Variants in GRM3 observed in about 807,000 individuals in gnomAD.
GRM3 encodes metabotropic glutamate receptor 3.
GRM3 carries 26 observed loss-of-function variants against 70.5 expected under a neutral mutation model. The observed-to-expected ratio is 0.37, with a 90% confidence interval of 0.27 to 0.51. GRM3 has a LOEUF of 0.51. Ranked by LOEUF, GRM3 falls within the 20% of genes least tolerant of loss-of-function variation. The pLI, the probability that GRM3 is intolerant of heterozygous loss-of-function variation, is 0.93. For missense variants in GRM3, 859 were observed against 1,123.8 expected (o/e 0.76, Z 3.37); for synonymous variants, 443 against 434.9 (o/e 1.02, Z -0.23).
intron 2 of GRM3, among the ~76,000 whole-genome samples, chr7:86,774,364 C>T (rs2116464068): frequency 6.6e-6 from 1 of 152,168 alleles, no homozygotes; most frequent in South Asian, 2.1e-4. Flanking sequence ...TCCAAAAACA[C>T]CTGCAGTTAA....
intron 3 of GRM3, among the ~76,000 whole-genome samples, chr7:86,835,064 T>A (rs1218296018): frequency 6.6e-6 from 1 of 152,074 alleles, no homozygotes; most frequent in Non-Finnish European, 1.5e-5. Flanking sequence ...AAATTTAGTA[T>A]AATACTGTGG....
chr7:86,821,301 C>G (rs1407767300), intron 3 of GRM3, among the ~76,000 whole-genome samples: 2 of 151,990 alleles, frequency 1.3e-5, no homozygotes, highest in Non-Finnish European at 2.9e-5. Context: ...GTGAACAGAC[C>G]TACACCATTA....
At chr7:86,751,075 C>A (rs1216090443) in intron 1 of GRM3, among the ~76,000 whole-genome samples, 1 of 152,178 alleles carries the variant, frequency 6.6e-6, no homozygotes, top group East Asian at 1.9e-4. Context: ...TCTCTGCTGT[C>A]ATCAATTTCC....
intron 1 of GRM3, among the ~76,000 whole-genome samples, chr7:86,670,471 C>A (rs541948463): frequency 2.6e-5 from 4 of 152,138 alleles, no homozygotes; most frequent in South Asian, 2.1e-4. Flanking sequence ...AGGAACATGA[C>A]CTTGGAAAGC....
chr7:86,802,866 T>A (rs886790921), intron 3 of GRM3, among the ~76,000 whole-genome samples: 1 of 152,216 alleles, frequency 6.6e-6, no homozygotes, highest in Admixed American at 6.5e-5. Context: ...GTGGTAGTAG[T>A]AGTTGTTTTA....
chr7:86,667,769 G>A (rs1200292360), intron 1 of GRM3, among the ~76,000 whole-genome samples: 4 of 152,056 alleles, frequency 2.6e-5, no homozygotes, highest in Non-Finnish European at 5.9e-5. Flanking sequence ...CCCTTCTAAC[G>A]GTGTACTCTT....
At chr7:86,669,992 T>A (rs1794130611) in intron 1 of GRM3, among the ~76,000 whole-genome samples, 1 of 152,152 alleles carries the variant, frequency 6.6e-6, no homozygotes, top group Admixed American at 6.6e-5. Context: ...TCTCCTCAGT[T>A]CTCAGACACT....
intron 1 of GRM3, among the ~76,000 whole-genome samples, chr7:86,756,535 C>T (rs1037814114): frequency 6.6e-6 from 1 of 152,130 alleles, no homozygotes; most frequent in Non-Finnish European, 1.5e-5. Context: ...TTCAAAGGTG[C>T]CATTTCATTA....
At chr7:86,792,530 G>C (rs1797444398) in intron 3 of GRM3, among the ~76,000 whole-genome samples, 1 of 152,116 alleles carries the variant, frequency 6.6e-6, no homozygotes, top group African/African-American at 2.4e-5. Flanking sequence ...GAGAAATTGA[G>C]AACTTGACAC....
chr7:86,664,869 G>A (rs1793985397), intron 1 of GRM3, among the ~76,000 whole-genome samples: 1 of 152,002 alleles, frequency 6.6e-6, no homozygotes, highest in Admixed American at 6.6e-5. Flanking sequence ...CCAGGCCTAA[G>A]GGGTAGTGAC....
chr7:86,646,023 G>A (rs1793463702), intron 1 of GRM3, among the ~76,000 whole-genome samples: 3 of 65,540 alleles, frequency 4.6e-5, no homozygotes, highest in Non-Finnish European at 6.0e-5. Flanking sequence ...GGGTGGGAGG[G>A]AGTTTAGGGG....
rs1196163241 is a variant in GRM3 at position 86,765,597 on chromosome 7, G to A, written c.452G>A (p.Ser151Asn). The change falls in exon 2 of 6, where the codon AGC (serine) becomes AAC (asparagine). Residue 151 changes from serine to asparagine, a missense_variant. Physicochemically the swap from Ser to Asn is conservative, Grantham distance 46. Transcript: ENST00000361669. Reference sequence around the variant, plus strand: ...GCAGGGGTCATTGGTGGCTCTTATAGCAGTGTTTCCATACAGGTAAGATTG... The same window carrying A: ...GCAGGGGTCATTGGTGGCTCTTATAACAGTGTTTCCATACAGGTAAGATTG... Reference protein sequence around the residue: ...LIAGVIGGSYSSVSIQVANLL... With the variant: ...LIAGVIGGSYNSVSIQVANLL... 1 of 1,612,742 alleles carries A rather than the reference G, an allele frequency of 6.2e-7. No homozygotes were observed. The highest frequency in any genetic ancestry group is 8.5e-7 in the Non-Finnish European group (1 of 1,179,206).
chr7:86,795,253 TTTTTATTTTATTTTATTTTATTTTA>T (rs67329784), intron 3 of GRM3, among the ~76,000 whole-genome samples: 12 of 124,024 alleles, frequency 9.7e-5, no homozygotes, highest in Admixed American at 4.2e-4. Context: ...TCTAGGTTAG[TTTTTATTTTATTTTATTTTATTTTA>T]TTTTATTTTA....
At chr7:86,746,562 A>G (rs1335105031) in intron 1 of GRM3, among the ~76,000 whole-genome samples, 3 of 151,444 alleles carry the variant, frequency 2.0e-5, no homozygotes, top group Non-Finnish European at 4.4e-5. Context: ...AAATCAAAAA[A>G]CTAAAGCTCA....
chr7:86,781,602 G>T (rs1017221133), intron 2 of GRM3, among the ~76,000 whole-genome samples: 1 of 152,020 alleles, frequency 6.6e-6, no homozygotes, highest in African/African-American at 2.4e-5. Context: ...TAGGCTTTCT[G>T]CCTATTAGTT....
chr7:86,826,138 A>G (rs760434753), intron 3 of GRM3, among the ~76,000 whole-genome samples: 1 of 152,216 alleles, frequency 6.6e-6, no homozygotes, highest in Non-Finnish European at 1.5e-5. Flanking sequence ...AACAGATTAA[A>G]TTGGTCATCA....
chr7:86,863,130 A>G (rs947472178), intron 5 of GRM3, among the ~76,000 whole-genome samples: 1 of 152,264 alleles, frequency 6.6e-6, no homozygotes, highest in East Asian at 1.9e-4. Flanking sequence ...TCTCGGCTAC[A>G]TGGTTTCAGT....
intron 3 of GRM3, among the ~76,000 whole-genome samples, chr7:86,836,666 C>T (rs571759072): frequency 6.6e-6 from 1 of 152,260 alleles, no homozygotes; most frequent in South Asian, 2.1e-4. Context: ...GTAGTTCTCA[C>T]TTTTATGAGC....
At chr7:86,842,743 A>G (rs1798581805) in intron 4 of GRM3, among the ~76,000 whole-genome samples, 1 of 152,202 alleles carries the variant, frequency 6.6e-6, no homozygotes. Flanking sequence ...TTTATATCTC[A>G]GCTGGAAGAA....
Sources: gnomAD v4.1 joint callset for allele counts (sites outside exome capture counted in the v4.1 genomes callset) on GRCh38, gnomAD v4.1.1 for gene constraint, MANE v1.5 for transcripts, NCBI Gene and HGNC (gene_info 2026-07-23, HGNC 2026-07-21) for gene names.